L3MBTL4: variants seen among roughly 807,000 people sequenced by gnomAD.
The protein encoded by L3MBTL4 is L3MBTL histone methyl-lysine binding protein 4.
A neutral mutation model predicts 84.5 loss-of-function variants in L3MBTL4; 70 were observed. That is an observed-to-expected ratio of 0.83 (90% CI 0.68 to 1.01). The LOEUF (loss-of-function observed/expected upper bound fraction) is 1.01, where lower values mean the gene tolerates loss of function less well. Ranked by LOEUF, L3MBTL4 falls within the 50% of genes least tolerant of loss-of-function variation. L3MBTL4 has a pLI of 0.00. For missense variants in L3MBTL4, 715 were observed against 754.8 expected, an observed-to-expected ratio of 0.95 and a Z score of 0.62; for synonymous variants, 274 against 259.8, an observed-to-expected ratio of 1.05 and a Z score of -0.52.
rs754801377 is a variant in L3MBTL4, at chr18:6,080,864, A to T, written c.1444+17T>A. The T allele has an allele frequency of 6.5e-7, 1 of 1,542,786 alleles. No homozygotes were observed. The highest frequency in any genetic ancestry group is 1.7e-5 in the Admixed American group (1 of 58,304). On this transcript the variant is annotated intron_variant, in intron 16 of 18. Coordinates refer to ENST00000317931, the MANE Select transcript of L3MBTL4 (RefSeq NM_001330559.2). ...CAAAAAGTATATTCTGTGTTTTGCT[A>T]GTGTTTTTGTTTTTACCTCTGAAGA...
intron 14 of L3MBTL4, among the ~76,000 whole-genome samples, chr18:6,128,915 C>G (rs2059787107): frequency 6.6e-6 from 1 of 152,052 alleles, no homozygotes; most frequent in Non-Finnish European, 1.5e-5. Flanking sequence ...AATGGACCCC[C>G]TGATGTGTCT....
chr18:6,130,396 T>C (rs528575737), intron 14 of L3MBTL4, among the ~76,000 whole-genome samples: 2 of 152,270 alleles, frequency 1.3e-5, no homozygotes, highest in South Asian at 4.1e-4. Flanking sequence ...GTCCTATAAG[T>C]TTCCACTAAG....
rs994875430 is a variant in L3MBTL4, at chr18:6,031,746, G to A, written c.1444+49135C>T. ...AAGAGATGAAGGGCAAATGGAAAGT[G>A]CTGTCTCACACCTCTGTGTGCCTAT... On this transcript the variant is annotated intron_variant, in intron 16 of 18. Transcript: ENST00000317931. 5 of 985,208 alleles carry A rather than the reference G, an allele frequency of 5.1e-6. No individual in the cohort carries two copies. In the Admixed American group the frequency reaches 3.1e-4, roughly 61 times the overall value. 61.0% of individuals were successfully genotyped at this position (985,208 alleles called of 1,614,324 possible). A position where few individuals can be genotyped will look rare whatever the true frequency, so the allele number is the denominator to read the frequency against.
intron 12 of L3MBTL4, among the ~76,000 whole-genome samples, chr18:6,196,306 C>T (rs533140006): frequency 1.6e-4 from 24 of 151,954 alleles, no homozygotes; most frequent in East Asian, 3.9e-4. Flanking sequence ...TACAGGCGCC[C>T]GCCACCACGC....
chr18:5,999,189 TTGA>T (rs1348917374), intron 16 of L3MBTL4, among the ~76,000 whole-genome samples: 6 of 152,228 alleles, frequency 3.9e-5, no homozygotes, highest in African/African-American at 1.2e-4. Context: ...TTCTCTGCTT[TTGA>T]TTATCAAATC....
chr18:6,150,318 A>C (rs2042837655), intron 13 of L3MBTL4, among the ~76,000 whole-genome samples: 1 of 152,160 alleles, frequency 6.6e-6, no homozygotes, highest in Non-Finnish European at 1.5e-5. Flanking sequence ...TATGGTGTCC[A>C]TAATCCCTTC....
chr18:5,982,009 T>TGTGTGTGGGTGTG (rs1567946143), intron 16 of L3MBTL4, among the ~76,000 whole-genome samples: 1 of 95,462 alleles, frequency 1.0e-5, no homozygotes, highest in African/African-American at 7.8e-5. Flanking sequence ...TGTGTGTGTG[T>TGTGTGTGGGTGTG]TTTGGGAAAA....
At chr18:6,388,904 A>T (rs2054932824) in intron 1 of L3MBTL4, among the ~76,000 whole-genome samples, 1 of 152,122 alleles carries the variant, frequency 6.6e-6, no homozygotes, top group Non-Finnish European at 1.5e-5. Flanking sequence ...GCATGGCAAA[A>T]GAGAAGGAGG....
At chr18:6,069,433 GT>G (rs993243634) in intron 16 of L3MBTL4, among the ~76,000 whole-genome samples, 56 of 147,830 alleles carry the variant, frequency 3.8e-4, no homozygotes, top group African/African-American at 7.2e-4. Context: ...GGAAAGTGTT[GT>G]TTTTTTTTTT....
At chr18:6,372,106 C>A (rs1236898056) in intron 1 of L3MBTL4, among the ~76,000 whole-genome samples, 1 of 152,214 alleles carries the variant, frequency 6.6e-6, no homozygotes, top group Non-Finnish European at 1.5e-5. Context: ...CAGCTGGTAA[C>A]TTTGAAAGAT....
chr18:6,036,109 G>A (rs977685351), intron 16 of L3MBTL4, among the ~76,000 whole-genome samples: 4 of 152,148 alleles, frequency 2.6e-5, no homozygotes, highest in African/African-American at 9.7e-5. Context: ...CCTCTTTCTT[G>A]CTGCTTTCAA....
At chr18:6,153,554 A>T (rs940276713) in intron 13 of L3MBTL4, among the ~76,000 whole-genome samples, 2 of 152,056 alleles carry the variant, frequency 1.3e-5, no homozygotes, top group Non-Finnish European at 2.9e-5. Context: ...TGTATCCTGC[A>T]ACTTTACTGA....
rs375385252 is a variant in L3MBTL4, at chr18:5,956,204, A to G, written c.*16T>C. 17 of 1,606,272 alleles carry G rather than the reference A, an allele frequency of 1.1e-5. No individual in the cohort carries two copies. The highest frequency in any genetic ancestry group is 1.4e-5 in the Non-Finnish European group (17 of 1,175,772). Reference sequence around the variant, plus strand: ...GAGCGCAGGTCTTGGTGCCAGAGGAAGTTCAGGGAGCCCATTCATCCCCTG... The same window carrying G: ...GAGCGCAGGTCTTGGTGCCAGAGGAGGTTCAGGGAGCCCATTCATCCCCTG... On this transcript the variant is annotated 3_prime_UTR_variant, in exon 19 of 19. Transcript: ENST00000317931.
intron 16 of L3MBTL4, among the ~76,000 whole-genome samples, chr18:6,035,455 T>C (rs2056083549): frequency 6.6e-6 from 1 of 150,820 alleles, no homozygotes; most frequent in South Asian, 2.1e-4. Flanking sequence ...GATCAGATAG[T>C]TGTAGATATG....
chr18:6,019,477 C>A (rs2055150615), intron 16 of L3MBTL4, among the ~76,000 whole-genome samples: 1 of 152,164 alleles, frequency 6.6e-6, no homozygotes, highest in African/African-American at 2.4e-5. Flanking sequence ...GAAATGTATT[C>A]TTTTTTCTTC....
intron 12 of L3MBTL4, among the ~76,000 whole-genome samples, chr18:6,188,538 A>G (rs78536089): frequency 0.012 from 1,796 of 152,336 alleles, 42 homozygotes; most frequent in African/African-American, 0.038. Flanking sequence ...GACTGATGGA[A>G]AAGGAGGGCC....
intron 16 of L3MBTL4, among the ~76,000 whole-genome samples, chr18:5,992,973 C>T (rs552335109): frequency 2.0e-5 from 3 of 152,284 alleles, no homozygotes; most frequent in Non-Finnish European, 2.9e-5. Flanking sequence ...ATGGAGAAGT[C>T]GATCTGATTT....
At chr18:6,111,064 A>G (rs1057197914) in intron 14 of L3MBTL4, among the ~76,000 whole-genome samples, 2 of 151,688 alleles carry the variant, frequency 1.3e-5, no homozygotes, top group African/African-American at 2.4e-5. Context: ...TGCATTCACC[A>G]TTTGCAAGGA....
At chr18:5,981,972 T>TTC (rs1369524918) in intron 16 of L3MBTL4, among the ~76,000 whole-genome samples, 4 of 61,972 alleles carry the variant, frequency 6.5e-5, no homozygotes, top group Non-Finnish European at 1.0e-4. Flanking sequence ...GGTTTCAATA[T>TTC]TCTGTGTGTG....
Sources: gnomAD v4.1 joint callset for allele counts (sites outside exome capture counted in the v4.1 genomes callset) on GRCh38, gnomAD v4.1.1 for gene constraint, MANE v1.5 for transcripts, NCBI Gene and HGNC (gene_info 2026-07-23, HGNC 2026-07-21) for gene names.